The following CD96 variants were observed in gnomAD, a reference collection of about 807,000 sequenced individuals.
The protein encoded by CD96 is T-cell surface protein tactile.
A neutral mutation model predicts 71.3 loss-of-function variants in CD96; 70 were observed. That is an observed-to-expected ratio of 0.98 (90% CI 0.81 to 1.20). The LOEUF is 1.20. Ranked by LOEUF, CD96 falls within the 50% of genes most tolerant of loss-of-function variation. CD96 has a pLI of 0.00. For synonymous variants in CD96, 248 were observed against 233.0 expected (o/e 1.06, Z -0.59); for missense variants, 742 against 677.5 (o/e 1.10, Z -1.06).
chr3:111,550,217 G>GT (rs953774027), intron 2 of CD96, among the ~76,000 whole-genome samples: 14 of 152,036 alleles, frequency 9.2e-5, no homozygotes, highest in Non-Finnish European at 1.8e-4. Flanking sequence ...AAAACATGAA[G>GT]TTTTTTTTAT....
chr3:111,583,869 C>T (rs1936582198), intron 4 of CD96, among the ~76,000 whole-genome samples: 1 of 152,224 alleles, frequency 6.6e-6, no homozygotes, highest in Admixed American at 6.5e-5. Context: ...GTGAAGGTCT[C>T]TGATGTGGCC....
Position 111,650,277 on chromosome 3 carries a change from C to T in CD96, c.*471C>T, listed in dbSNP as rs1940017301. On this transcript the variant is annotated 3_prime_UTR_variant, in exon 14 of 14. Coordinates refer to ENST00000352690, the MANE Select transcript of CD96 (RefSeq NM_005816.5). ...AAATGTAAAAGTGCTAACAAGGCTGCCAAGTAATGGAGAAGTATGGTTAGT... is the reference window on the plus strand; with the variant it reads ...AAATGTAAAAGTGCTAACAAGGCTGTCAAGTAATGGAGAAGTATGGTTAGT... 1.7e-5 allele frequency: 3 copies of T among 181,636 alleles called. No individual in the cohort carries two copies. Among genetic ancestry groups the T allele is most frequent in the Non-Finnish European group, 3.6e-5 (3 of 83,676 alleles). 11.3% of individuals were successfully genotyped at this position (181,636 alleles called of 1,614,324 possible). A position where few individuals can be genotyped will look rare whatever the true frequency, so the allele number is the denominator to read the frequency against.
intron 10 of CD96, 117 bp downstream of exon 10, chr3:111,624,521 C>T (rs1938656364): frequency 9.5e-6 from 7 of 736,374 alleles, no homozygotes; most frequent in African/African-American, 1.7e-5. Context: ...GTTCACAAAG[C>T]ATCTATCATG....
At chr3:111,550,658 G>A (rs1360650504) in intron 2 of CD96, among the ~76,000 whole-genome samples, 1 of 152,056 alleles carries the variant, frequency 6.6e-6, no homozygotes, top group Non-Finnish European at 1.5e-5. Flanking sequence ...TGCATATGAT[G>A]AGGGAGGTGC....
chr3:111,665,919 A>G (rs1050570655), downstream of CD96, among the ~76,000 whole-genome samples: 4 of 152,174 alleles, frequency 2.6e-5, no homozygotes, highest in Non-Finnish European at 5.9e-5. Context: ...CTCCTACAGG[A>G]CTTTTACCCA....
intron 8 of CD96, among the ~76,000 whole-genome samples, chr3:111,610,134 A>G (rs1351266075): frequency 6.6e-6 from 1 of 152,264 alleles, no homozygotes; most frequent in East Asian, 1.9e-4. Flanking sequence ...GATGGCAACA[A>G]TAGTTTATGT....
chr3:111,616,869 G>T (rs539426952), intron 8 of CD96, among the ~76,000 whole-genome samples: 1 of 152,282 alleles, frequency 6.6e-6, no homozygotes, highest in South Asian at 2.1e-4. Flanking sequence ...ACCCAGCTGT[G>T]GCTCCAGACC....
chr3:111,577,651 G>A, intron 3 of CD96: 1 of 833,056 alleles, frequency 1.2e-6, no homozygotes, highest in Non-Finnish European at 2.1e-6. Context: ...ATCCTAGCCA[G>A]ATTCAGCTAA....
At chr3:111,649,586 C>G in intron 13 of CD96, 112 bp from the exon 14 acceptor site, 1 of 787,776 alleles carries the variant, frequency 1.3e-6, no homozygotes, top group East Asian at 2.4e-5. Flanking sequence ...GAGAGTATGT[C>G]TCTTTCTCAT....
At chr3:111,659,870 C>T (rs1940314372) in intron 14 of CD96, among the ~76,000 whole-genome samples, 1 of 152,136 alleles carries the variant, frequency 6.6e-6, no homozygotes, top group Non-Finnish European at 1.5e-5. Flanking sequence ...ATCAAAGGAA[C>T]ATACATCAAA....
intron 14 of CD96, among the ~76,000 whole-genome samples, chr3:111,657,819 G>T (rs550055562): frequency 3.4e-4 from 51 of 152,210 alleles, no homozygotes; most frequent in African/African-American, 1.2e-3. Flanking sequence ...TGCGCATGAA[G>T]GTTAGTGTCC....
chr3:111,656,148 T>C (rs534197979), downstream of CD96, among the ~76,000 whole-genome samples: 29 of 152,152 alleles, frequency 1.9e-4, no homozygotes, highest in African/African-American at 7.0e-4. Flanking sequence ...ATAAAGAACT[T>C]ACAAATATTG....
chr3:111,562,451 G>T (rs1300239724), intron 2 of CD96, among the ~76,000 whole-genome samples: 1 of 151,996 alleles, frequency 6.6e-6, no homozygotes, highest in Non-Finnish European at 1.5e-5. Context: ...GTCTTATTTA[G>T]GTTCATTTTG....
downstream of CD96, among the ~76,000 whole-genome samples, chr3:111,657,017 G>A (rs951095712): frequency 1.3e-5 from 2 of 150,232 alleles, no homozygotes; most frequent in Non-Finnish European, 3.0e-5. Flanking sequence ...ATAAGAACAG[G>A]AAAAAAAACT....
chr3:111,574,836 G>A (rs141669168), intron 3 of CD96, among the ~76,000 whole-genome samples: 3 of 151,318 alleles, frequency 2.0e-5, no homozygotes, highest in African/African-American at 7.3e-5. Flanking sequence ...AGGCCGGAGT[G>A]CAGTGACATA....
At chr3:111,578,997 T>C in intron 3 of CD96, 30 bp from the exon 4 acceptor site, 1 of 1,181,532 alleles carries the variant, frequency 8.5e-7, no homozygotes, top group South Asian at 1.2e-5. Flanking sequence ...AGTTGAGGAC[T>C]CAATAACTGG....
chr3:111,579,352 A>G, intron 4 of CD96, 118 bp downstream of exon 4: 2 of 755,640 alleles, frequency 2.6e-6, no homozygotes, highest in East Asian at 2.5e-5. Flanking sequence ...ACAGTGCTGG[A>G]GTCTGTTTCC....
intron 3 of CD96, chr3:111,570,929 G>T: frequency 6.4e-7 from 1 of 1,573,886 alleles, no homozygotes; most frequent in East Asian, 2.2e-5. Flanking sequence ...AGGCGCCAGC[G>T]TCAAAGTAGG....
intron 4 of CD96, among the ~76,000 whole-genome samples, chr3:111,583,529 T>C (rs1264841535): frequency 6.6e-6 from 1 of 152,248 alleles, no homozygotes; most frequent in Admixed American, 6.5e-5. Flanking sequence ...AGGTTCTTCA[T>C]GAGGGCCCCG....
Sources: allele counts gnomAD v4.1 joint callset (sites outside exome capture counted in the v4.1 genomes callset), GRCh38; gene constraint gnomAD v4.1.1; transcripts MANE v1.5; gene names NCBI Gene and HGNC (gene_info 2026-07-23, HGNC 2026-07-21).